ZDHHC11B: variants seen among roughly 807,000 people sequenced by gnomAD.
ZDHHC11B encodes probable palmitoyltransferase ZDHHC11B.
ZDHHC11B carries 17 observed loss-of-function variants against 42.3 expected under a neutral mutation model. The observed-to-expected ratio is 0.40, with a 90% confidence interval of 0.27 to 0.60. ZDHHC11B has a LOEUF of 0.60. ZDHHC11B is among the 20% of genes least tolerant of loss of function. The pLI, the probability that ZDHHC11B is intolerant of heterozygous loss-of-function variation, is 0.41. For synonymous variants in ZDHHC11B, 123 were observed against 193.5 expected, an observed-to-expected ratio of 0.64 and a Z score of 3.02; for missense variants, 262 against 463.2, an observed-to-expected ratio of 0.57 and a Z score of 3.99.
chr5:752,558 T>G (rs1441419873), intron 6 of ZDHHC11B, among the ~76,000 whole-genome samples: 1 of 89,982 alleles, frequency 1.1e-5, no homozygotes, highest in African/African-American at 3.1e-5. Flanking sequence ...TAAGCTTGTT[T>G]AAATCCCTTT....
At chr5:772,661 G>C (rs201703253) in intron 1 of ZDHHC11B, among the ~76,000 whole-genome samples, 1 of 140,524 alleles carries the variant, frequency 7.1e-6, no homozygotes, top group African/African-American at 2.5e-5. Context: ...ACGGGCGCTT[G>C]GGAGGGCTGA....
chr5:759,588 T>C (rs1762568266), intron 4 of ZDHHC11B, among the ~76,000 whole-genome samples: 1 of 151,908 alleles, frequency 6.6e-6, no homozygotes, highest in African/African-American at 2.4e-5. Flanking sequence ...GACGCTGTGG[T>C]GGCGGCGGAG....
chr5:777,197 CTT>C (rs1241466740), intron 1 of ZDHHC11B, among the ~76,000 whole-genome samples: 1 of 151,914 alleles, frequency 6.6e-6, no homozygotes, highest in Non-Finnish European at 1.5e-5. Flanking sequence ...GTCTCGCTGA[CTT>C]TAGGAGTGAA....
At chr5:745,549 C>A (rs6890692) in intron 8 of ZDHHC11B, among the ~76,000 whole-genome samples, 98,484 of 147,814 alleles carry the variant, frequency 0.67, 31,618 homozygotes, top group Middle Eastern at 0.76. Context: ...TGACTCAGGC[C>A]CCCCCGCCTG....
At chr5:744,214 C>T (rs369431488) in intron 9 of ZDHHC11B, among the ~76,000 whole-genome samples, 1,554 of 149,118 alleles carry the variant, frequency 0.01, 3 homozygotes, top group South Asian at 0.019. Flanking sequence ...CCATGCTGCT[C>T]GATTTGGTTT....
At chr5:774,159 G>A (rs1736276074) in intron 1 of ZDHHC11B, among the ~76,000 whole-genome samples, 1 of 152,076 alleles carries the variant, frequency 6.6e-6, no homozygotes. Context: ...GTTCCCAAGA[G>A]GCCCCACGGA....
chr5:732,585 C>T (rs1743098090), intron 11 of ZDHHC11B: 1 of 441,474 alleles, frequency 2.3e-6, no homozygotes, highest in Non-Finnish European at 4.5e-6. Flanking sequence ...CACTGTTCCT[C>T]CAGGTTGGGT....
At position 711,884 on chromosome 5, in the gene ZDHHC11B, C is replaced by CCAGTACTGTGCTCCCGTTTCT. The variant is rs1554026594; in HGVS notation, c.*405_*406insAGAAACGGGAGCACAGTACTG. Reference sequence around the variant, plus strand: ...TTTCCCAGTACTATGCTCCCATTTCCCAGTACTGTGCTCACAGGTGTGAGC... The same window carrying CCAGTACTGTGCTCCCGTTTCT: ...TTTCCCAGTACTATGCTCCCATTTCCCAGTACTGTGCTCCCGTTTCTCAGTACTGTGCTCACAGGTGTGAGC... On this transcript the variant is annotated 3_prime_UTR_variant, in exon 14 of 14. Coordinates refer to ENST00000508859, the MANE Select transcript of ZDHHC11B (RefSeq NM_001351303.2). 1 of 59,982 alleles carries CCAGTACTGTGCTCCCGTTTCT rather than the reference C, an allele frequency of 1.7e-5. No individual in the cohort carries two copies. Among genetic ancestry groups the CCAGTACTGTGCTCCCGTTTCT allele is most frequent in the Non-Finnish European group, 3.6e-5 (1 of 27,678 alleles). The allele number at this position is 59,982 out of a possible 1,614,324, so 3.7% of individuals were successfully genotyped here.
rs774566741 is a variant in ZDHHC11B, at chr5:766,827, C to T, written c.93G>A (p.Val31=). ...ELVLPPRISR[V]NGWSLPLHYF... is the part of the protein sequence containing the mutation. Reference sequence around the variant, plus strand: ...AGTGCAGGGGTAACGACCAGCCGTTCACTCTGGAGATGCGGGGCGGCAAGA... The same window carrying T: ...AGTGCAGGGGTAACGACCAGCCGTTTACTCTGGAGATGCGGGGCGGCAAGA... Residue 31 remains valine, a synonymous_variant, in exon 4 of 14, where the codon GTG becomes GTA. Transcript: ENST00000508859. 1 of 1,612,772 alleles carries T rather than the reference C, an allele frequency of 6.2e-7. No individual in the cohort carries two copies. Among genetic ancestry groups the T allele is most frequent in the East Asian group, 2.2e-5 (1 of 44,856 alleles).
intron 4 of ZDHHC11B, among the ~76,000 whole-genome samples, chr5:765,622 G>C (rs1462367939): frequency 6.6e-6 from 1 of 151,850 alleles, no homozygotes; most frequent in Non-Finnish European, 1.5e-5. Context: ...CTTCCACATT[G>C]TGGAAGTTTT....
At chr5:772,816 G>T (rs1283178815) in intron 1 of ZDHHC11B, among the ~76,000 whole-genome samples, 1 of 151,814 alleles carries the variant, frequency 6.6e-6, no homozygotes. Flanking sequence ...CGTGGGGTGT[G>T]TGCTGAGGGG....
intron 4 of ZDHHC11B, among the ~76,000 whole-genome samples, chr5:756,618 G>C (rs982204282): frequency 2.6e-5 from 4 of 151,720 alleles, no homozygotes; most frequent in Non-Finnish European, 5.9e-5. Context: ...ACAGCTTGAG[G>C]GACAGAGCAG....
rs559926706 is a variant in ZDHHC11B, at chr5:776,453, G to T, written c.-229-7523C>A. ...GCACAGGAATGGCACAGCCCCAAGG[G>T]AGACCGGGTAGGCCCCTGGCCAGCA... On this transcript the variant is annotated intron_variant, in intron 1 of 13. Transcript: ENST00000508859. Among the ~76,000 whole-genome samples the T allele has an allele frequency of 6.4e-4, 98 of 151,982 alleles. 1 individual carries two copies. Among genetic ancestry groups the T allele is most frequent in the African/African-American group, 2.2e-3 (91 of 41,462 alleles).
intron 12 of ZDHHC11B, among the ~76,000 whole-genome samples, chr5:729,481 G>A (rs1170228934): frequency 6.6e-6 from 1 of 150,978 alleles, no homozygotes; most frequent in African/African-American, 2.4e-5. Context: ...CAGGCAGGCT[G>A]GGGACTGAGA....
intron 1 of ZDHHC11B, among the ~76,000 whole-genome samples, chr5:778,104 C>T (rs377164613): frequency 2.0e-4 from 30 of 151,994 alleles, no homozygotes; most frequent in Middle Eastern, 3.4e-3. Flanking sequence ...AAGGACGCTG[C>T]GGCGGAGACT....
chr5:757,365 A>G lies in ZDHHC11B; in HGVS notation c.223-1221T>C, dbSNP rs1276068152. On this transcript the variant is annotated intron_variant, in intron 4 of 13. Transcript: ENST00000508859. ...CAAAAAGCCACGTAGGGATTTTAGC[A>G]GAAGGCTGCCAGCAGGGCGGGTCCT... 4.2e-4 allele frequency among the ~76,000 whole-genome samples: 64 copies of G among 152,080 alleles called. 1 individual carries two copies. The highest frequency in any genetic ancestry group is 7.5e-4 in the Non-Finnish European group (51 of 67,926).
In ZDHHC11B at chr5:766,386, C is replaced by T. The variant is rs7709735; in HGVS notation, c.222+312G>A. 4.0e-3 allele frequency among the ~76,000 whole-genome samples: 613 copies of T among 151,824 alleles called. 10 individuals are homozygous for T. The highest frequency in any genetic ancestry group is 0.014 in the African/African-American group (578 of 41,272). ...AGACGGCCTGACATGGGGTCAGCGG[C>T]TGCCCTGTCCAACCTGACCCTGAGC... On this transcript the variant is annotated intron_variant, in intron 4 of 13. Coordinates refer to ENST00000508859, the MANE Select transcript of ZDHHC11B (RefSeq NM_001351303.2).
chr5:767,499 A>C lies in ZDHHC11B; in HGVS notation c.-108T>G. The C allele has an allele frequency of 6.7e-7, 1 of 1,502,508 alleles. No homozygotes were observed. The highest frequency in any genetic ancestry group is 9.1e-7 in the Non-Finnish European group (1 of 1,094,836). 93.1% of individuals were successfully genotyped at this position (1,502,508 alleles called of 1,614,324 possible). On this transcript the variant is annotated 5_prime_UTR_variant, in exon 3 of 14. Coordinates refer to ENST00000508859, the MANE Select transcript of ZDHHC11B (RefSeq NM_001351303.2). ...CTGAATTATTCTGCATCGAAAGCGCAGTAGTGGCACTGGAGAGAAAGGTGA... is the reference window on the plus strand; with the variant it reads ...CTGAATTATTCTGCATCGAAAGCGCCGTAGTGGCACTGGAGAGAAAGGTGA...
chr5:772,688 G>A (rs1263136786), intron 1 of ZDHHC11B, among the ~76,000 whole-genome samples: 1 of 151,880 alleles, frequency 6.6e-6, no homozygotes, highest in African/African-American at 2.4e-5. Flanking sequence ...GGCCCAGGCA[G>A]TTCTGGAGGG....
Sources: allele counts gnomAD v4.1 joint callset (sites outside exome capture counted in the v4.1 genomes callset), GRCh38; gene constraint gnomAD v4.1.1; transcripts MANE v1.5; gene names NCBI Gene and HGNC (gene_info 2026-07-23, HGNC 2026-07-21).